ETV6: variants seen among roughly 807,000 people sequenced by gnomAD.
The protein encoded by ETV6 is ETS variant transcription factor 6, also known as transcription factor ETV6.
In ETV6, 16 loss-of-function variants were observed where a neutral mutation model predicts 51.1. The observed-to-expected ratio is 0.31, with a 90% confidence interval of 0.21 to 0.48. The LOEUF is 0.48. Ranked by LOEUF, ETV6 falls within the 20% of genes least tolerant of loss-of-function variation. The probability of loss-of-function intolerance (pLI) is 0.99; values close to 1 mark genes in which losing one functional copy is unlikely to be tolerated. For synonymous variants in ETV6, 240 were observed against 224.1 expected, an observed-to-expected ratio of 1.07 and a Z score of -0.64; for missense variants, 458 against 594.8, an observed-to-expected ratio of 0.77 and a Z score of 2.39.
chr12:11,812,282 C>T (rs992197221), intron 2 of ETV6, among the ~76,000 whole-genome samples: 13 of 152,256 alleles, frequency 8.5e-5, no homozygotes, highest in East Asian at 5.8e-4. Flanking sequence ...AGGCCCCTTC[C>T]GCCTCTAATT....
chr12:11,700,296 G>C (rs987356707), intron 1 of ETV6, among the ~76,000 whole-genome samples: 2 of 152,180 alleles, frequency 1.3e-5, no homozygotes, highest in South Asian at 4.1e-4. Context: ...TTGTGTAGTG[G>C]TGAAGTCTGG....
At chr12:11,760,416 C>T (rs1945067744) in intron 2 of ETV6, among the ~76,000 whole-genome samples, 3 of 152,152 alleles carry the variant, frequency 2.0e-5, no homozygotes, top group African/African-American at 7.2e-5. Flanking sequence ...AAGTTGACTG[C>T]ACAGGGCTAC....
chr12:11,744,768 G>A (rs887029166), intron 1 of ETV6, among the ~76,000 whole-genome samples: 10 of 152,234 alleles, frequency 6.6e-5, no homozygotes, highest in East Asian at 1.9e-4. Context: ...CTTTGCCTGC[G>A]TGTACATCCA....
At chr12:11,807,126 C>T (rs1160096559) in intron 2 of ETV6, among the ~76,000 whole-genome samples, 1 of 152,182 alleles carries the variant, frequency 6.6e-6, no homozygotes, top group Admixed American at 6.5e-5. Context: ...GTAAAGTTAT[C>T]CATGAAAAGA....
At chr12:11,800,591 A>G (rs1430961252) in intron 2 of ETV6, among the ~76,000 whole-genome samples, 1 of 152,138 alleles carries the variant, frequency 6.6e-6, no homozygotes, top group Admixed American at 6.5e-5. Context: ...GCTTGAGTTC[A>G]ACTTTTAGAT....
At chr12:11,767,270 T>C (rs1052636186) in intron 2 of ETV6, among the ~76,000 whole-genome samples, 1 of 152,240 alleles carries the variant, frequency 6.6e-6, no homozygotes, top group Non-Finnish European at 1.5e-5. Flanking sequence ...TTTTTCACAT[T>C]GTTGTGAGGA....
intron 2 of ETV6, among the ~76,000 whole-genome samples, chr12:11,816,493 G>T (rs1349195978): frequency 6.6e-6 from 1 of 152,084 alleles, no homozygotes; most frequent in African/African-American, 2.4e-5. Context: ...TGATCCACCC[G>T]CCTCGGCCTC....
At chr12:11,737,110 A>G (rs1388381153) in intron 1 of ETV6, among the ~76,000 whole-genome samples, 1 of 152,144 alleles carries the variant, frequency 6.6e-6, no homozygotes, top group African/African-American at 2.4e-5. Flanking sequence ...CAGTCGTGGA[A>G]ATCAAAGTCC....
intron 1 of ETV6, among the ~76,000 whole-genome samples, chr12:11,711,270 T>C (rs558454520): frequency 6.6e-6 from 1 of 152,348 alleles, no homozygotes; most frequent in South Asian, 2.1e-4. Context: ...GTTATTTTTG[T>C]TTCTTCAGTG....
chr12:11,750,510 T>C lies in ETV6; in HGVS notation c.34-1940T>C, dbSNP rs145527546. On this transcript the variant is annotated intron_variant, in intron 1 of 7. Coordinates refer to ENST00000396373, the MANE Select transcript of ETV6 (RefSeq NM_001987.5). ...AATTTCGAAATGCTGTCTTGTTTTT[T>C]TCTTGCACTCATGAAGCACCATTTG... Among the ~76,000 whole-genome samples the C allele has an allele frequency of 1.5e-3, 224 of 152,348 alleles. 1 individual carries two copies. The highest frequency in any genetic ancestry group is 5.6e-3 in the South Asian group (27 of 4,824).
At chr12:11,740,908 A>G (rs1462377503) in intron 1 of ETV6, among the ~76,000 whole-genome samples, 2 of 152,180 alleles carry the variant, frequency 1.3e-5, no homozygotes, top group Non-Finnish European at 2.9e-5. Context: ...TGGTTCATTC[A>G]GGGATCTTCT....
chr12:11,832,922 C>G (rs966800320), intron 2 of ETV6, among the ~76,000 whole-genome samples: 1 of 152,220 alleles, frequency 6.6e-6, no homozygotes, highest in Non-Finnish European at 1.5e-5. Flanking sequence ...ACGATCTGCA[C>G]TTTGTCAGTA....
At chr12:11,658,161 C>T (rs117201608) in intron 1 of ETV6, among the ~76,000 whole-genome samples, 28 of 152,336 alleles carry the variant, frequency 1.8e-4, no homozygotes, top group Non-Finnish European at 3.8e-4. Flanking sequence ...ACACATGGAT[C>T]TGGAAGAGGC....
At chr12:11,672,732 G>A (rs1350991030) in intron 1 of ETV6, among the ~76,000 whole-genome samples, 3 of 152,208 alleles carry the variant, frequency 2.0e-5, no homozygotes, top group African/African-American at 7.2e-5. Context: ...TAACAGCAGG[G>A]CCACTGCTCT....
chr12:11,831,790 T>TTAG (rs1946250156), intron 2 of ETV6, among the ~76,000 whole-genome samples: 2 of 152,262 alleles, frequency 1.3e-5, no homozygotes, highest in African/African-American at 4.8e-5. Flanking sequence ...TAACTATTAC[T>TTAG]TATTTCCTTA....
intron 1 of ETV6, among the ~76,000 whole-genome samples, chr12:11,735,743 C>T (rs1017411036): frequency 5.9e-5 from 9 of 152,108 alleles, no homozygotes; most frequent in East Asian, 5.8e-4. Flanking sequence ...GGATTACAGG[C>T]GCCCGCCAGT....
In ETV6 at chr12:11,716,875, G is replaced by A. The variant is rs1373427648; in HGVS notation, c.34-35575G>A. The A allele has an allele frequency of 3.9e-5, 6 of 152,230 alleles. No individual in the cohort carries two copies. In the East Asian group the frequency reaches 1.2e-3, roughly 29 times the overall value. 9.4% of individuals were successfully genotyped at this position (152,230 alleles called of 1,614,324 possible). A position where few individuals can be genotyped will look rare whatever the true frequency, so the allele number is the denominator to read the frequency against. On this transcript the variant is annotated intron_variant, in intron 1 of 7. Transcript: ENST00000396373. ...TGTGGCCTTCAAACAGTTGTACACA[G>A]TCTGTAAACTGCTCAGCCACTTCTC...
chr12:11,888,666 G>T (rs960108198), intron 7 of ETV6, among the ~76,000 whole-genome samples: 3 of 152,068 alleles, frequency 2.0e-5, no homozygotes, highest in Admixed American at 2.0e-4. Flanking sequence ...GCCTCCCAAA[G>T]TGCTTGAATT....
intron 5 of ETV6, among the ~76,000 whole-genome samples, chr12:11,872,233 G>C (rs781385473): frequency 1.9e-4 from 29 of 152,238 alleles, no homozygotes; most frequent in Non-Finnish European, 4.1e-4. Flanking sequence ...GCCAAGGTCA[G>C]ATAGGGGCCC....
Sources: gnomAD v4.1 joint callset for allele counts (sites outside exome capture counted in the v4.1 genomes callset) on GRCh38, gnomAD v4.1.1 for gene constraint, MANE v1.5 for transcripts, NCBI Gene and HGNC (gene_info 2026-07-23, HGNC 2026-07-21) for gene names.